Variants in PDE4D observed in about 807,000 individuals in gnomAD.
The protein encoded by PDE4D is phosphodiesterase 4D, also known as 3',5'-cyclic-AMP phosphodiesterase 4D.
PDE4D carries 24 observed loss-of-function variants against 87.4 expected under a neutral mutation model. The observed-to-expected ratio is 0.27, with a 90% CI of 0.20 to 0.39. The LOEUF (loss-of-function observed/expected upper bound fraction) is 0.39. PDE4D is among the 10% of genes least tolerant of loss of function. PDE4D has a pLI of 1.00. For synonymous variants in PDE4D, 384 were observed against 383.2 expected (o/e 1.00, Z -0.02); for missense variants, 714 against 1,041.0 (o/e 0.69, Z 4.32).
chr5:60,311,080 C>T (rs1023844501), intron 1 of PDE4D, among the ~76,000 whole-genome samples: 2 of 149,900 alleles, frequency 1.3e-5, no homozygotes, highest in East Asian at 3.9e-4. Flanking sequence ...TGCAATGAAG[C>T]GATCTCAGCT....
chr5:60,251,039 T>A (rs1748381778), intron 1 of PDE4D, among the ~76,000 whole-genome samples: 1 of 151,806 alleles, frequency 6.6e-6, no homozygotes, highest in Non-Finnish European at 1.5e-5. Context: ...ATAAAAGAGA[T>A]AACTAGACAT....
At chr5:59,699,968 C>A (rs1249441257) in intron 1 of PDE4D, among the ~76,000 whole-genome samples, 1 of 152,086 alleles carries the variant, frequency 6.6e-6, no homozygotes, top group Non-Finnish European at 1.5e-5. Context: ...GATCAGACAG[C>A]CTCAGGCAGG....
intron 5 of PDE4D, among the ~76,000 whole-genome samples, chr5:59,148,535 T>A (rs1301403690): frequency 2.0e-5 from 3 of 152,134 alleles, no homozygotes; most frequent in Non-Finnish European, 4.4e-5. Context: ...AATGATGATG[T>A]AGAGAGAAAG....
At chr5:59,807,086 C>T (rs1238685780) in intron 1 of PDE4D, among the ~76,000 whole-genome samples, 1 of 152,100 alleles carries the variant, frequency 6.6e-6, no homozygotes, top group Admixed American at 6.5e-5. Flanking sequence ...AACCAACGAG[C>T]CCCTTTCTGG....
chr5:59,102,292 G>T (rs906506567), intron 5 of PDE4D, among the ~76,000 whole-genome samples: 4 of 151,636 alleles, frequency 2.6e-5, no homozygotes, highest in African/African-American at 9.7e-5. Flanking sequence ...CTCCATGTTG[G>T]TCAGGCTGGT....
Position 59,981,119 on chromosome 5 carries a change from G to A in PDE4D, c.272+7369C>T, listed in dbSNP as rs116533841. Among the ~76,000 whole-genome samples, 816 of 152,192 alleles carry A rather than the reference G, an allele frequency of 5.4e-3. 5 individuals are homozygous for A. Among genetic ancestry groups the A allele is most frequent in the Non-Finnish European group, 7.6e-3 (517 of 67,998 alleles). On this transcript the variant is annotated intron_variant, in intron 3 of 16. Transcript: ENST00000502484. ...ATACAAAAATTAGCCTGGTGTGGTG[G>A]GACATGCCTGTCGTCTCAGCTACTT... is the stretch of plus-strand genomic sequence containing the variant.
At chr5:60,097,406 T>G (rs926050324) in intron 2 of PDE4D, among the ~76,000 whole-genome samples, 9 of 152,090 alleles carry the variant, frequency 5.9e-5, no homozygotes, top group African/African-American at 2.2e-4. Flanking sequence ...CATTCACATC[T>G]GAAAACTGCA....
chr5:59,453,455 G>T (rs1360205601), intron 1 of PDE4D, among the ~76,000 whole-genome samples: 1 of 152,214 alleles, frequency 6.6e-6, no homozygotes, highest in East Asian at 1.9e-4. Context: ...GTACCAAACA[G>T]CCAAGTTGTG....
intron 1 of PDE4D, chr5:59,217,240 G>GATA: frequency 2.2e-6 from 1 of 455,964 alleles, no homozygotes; most frequent in Non-Finnish European, 4.4e-6. Context: ...CCCAGCAGGT[G>GATA]TGTGGTTTTA....
intron 1 of PDE4D, among the ~76,000 whole-genome samples, chr5:59,391,090 ATCAGAGT>A (rs1788143462): frequency 6.6e-6 from 1 of 152,154 alleles, no homozygotes; most frequent in African/African-American, 2.4e-5. Context: ...CAGAGAGGAA[ATCAGAGT>A]TAAGGAGGTG....
intron 1 of PDE4D, among the ~76,000 whole-genome samples, chr5:60,494,124 A>G (rs1345441570): frequency 6.6e-6 from 1 of 152,206 alleles, no homozygotes; most frequent in Non-Finnish European, 1.5e-5. Context: ...AATGCAGGGG[A>G]TCCCAACATA....
intron 1 of PDE4D, among the ~76,000 whole-genome samples, chr5:59,692,338 A>G (rs1175357241): frequency 6.6e-6 from 1 of 152,122 alleles, no homozygotes; most frequent in African/African-American, 2.4e-5. Context: ...TGGTTTGACC[A>G]TGGTTCTATA....
intron 1 of PDE4D, among the ~76,000 whole-genome samples, chr5:59,845,194 A>G (rs886333409): frequency 1.3e-5 from 2 of 152,082 alleles, no homozygotes; most frequent in South Asian, 4.1e-4. Context: ...CTCCTGACCC[A>G]GGGAAAACAT....
At chr5:59,956,296 C>T (rs992398804) in intron 3 of PDE4D, among the ~76,000 whole-genome samples, 1 of 152,158 alleles carries the variant, frequency 6.6e-6, no homozygotes, top group African/African-American at 2.4e-5. Context: ...AGCCCCTTCC[C>T]CCTTGCAGTT....
intron 1 of PDE4D, among the ~76,000 whole-genome samples, chr5:59,655,396 CACTGCAAT>C (rs1480160508): frequency 8.5e-5 from 13 of 152,126 alleles, no homozygotes; most frequent in African/African-American, 1.2e-4. Flanking sequence ...ATAAGTTCCT[CACTGCAAT>C]ACCTTTAGTG....
At chr5:60,041,912 T>TA (rs1768545380) in intron 2 of PDE4D, among the ~76,000 whole-genome samples, 2 of 151,430 alleles carry the variant, frequency 1.3e-5, no homozygotes, top group African/African-American at 4.9e-5. Flanking sequence ...CAGGATTTTT[T>TA]TTTTTTTCAT....
intron 1 of PDE4D, among the ~76,000 whole-genome samples, chr5:59,305,969 T>C (rs540531528): frequency 1.3e-5 from 2 of 152,310 alleles, no homozygotes. Context: ...ATGACCTGTC[T>C]AGTGCTGTCA....
chr5:60,197,396 T>C (rs994886773), intron 1 of PDE4D, among the ~76,000 whole-genome samples: 3 of 151,564 alleles, frequency 2.0e-5, no homozygotes, highest in African/African-American at 7.3e-5. Flanking sequence ...TCCCACAAAA[T>C]CTACTGTGAA....
At chr5:60,194,632 T>G (rs1740989237) in intron 1 of PDE4D, among the ~76,000 whole-genome samples, 2 of 151,588 alleles carry the variant, frequency 1.3e-5, no homozygotes, top group South Asian at 4.2e-4. Flanking sequence ...CACCACCACT[T>G]TTGATTGGCA....
Sources: allele counts gnomAD v4.1 joint callset (sites outside exome capture counted in the v4.1 genomes callset), GRCh38; gene constraint gnomAD v4.1.1; transcripts MANE v1.5; gene names NCBI Gene and HGNC (gene_info 2026-07-23, HGNC 2026-07-21).